Variants in CNTNAP5 observed in about 807,000 individuals in gnomAD.
CNTNAP5 encodes the protein contactin associated protein family member 5, also known as contactin-associated protein-like 5.
In CNTNAP5, 72 loss-of-function variants were observed where a neutral mutation model predicts 150.2. The observed-to-expected ratio is 0.48, with a 90% CI of 0.40 to 0.58. CNTNAP5 has a LOEUF of 0.58. Among genes scored for constraint, CNTNAP5 ranks in the 20% least tolerant of loss-of-function variants. The probability of loss-of-function intolerance (pLI) is 0.00; values close to 1 mark genes in which losing one functional copy is unlikely to be tolerated. For synonymous variants in CNTNAP5, 672 were observed against 619.8 expected (o/e 1.08, Z -1.25); for missense variants, 1,636 against 1,626.2 (o/e 1.01, Z -0.10).
chr2:124,047,821 T>G (rs1243059499), intron 1 of CNTNAP5, among the ~76,000 whole-genome samples: 1 of 152,180 alleles, frequency 6.6e-6, no homozygotes, highest in East Asian at 1.9e-4. Flanking sequence ...GTGTAGACAG[T>G]GTTCAATAGT....
chr2:124,763,071 T>C (rs1212242976), intron 14 of CNTNAP5, among the ~76,000 whole-genome samples: 1 of 152,014 alleles, frequency 6.6e-6, no homozygotes, highest in East Asian at 1.9e-4. Context: ...CTAAACTTTA[T>C]CCAAAGGTGA....
In CNTNAP5 at chr2:124,918,479, T is replaced by C. The variant is rs1287470736; in HGVS notation, c.*4191T>C. ...ATACTTGCTCCCTCTCTGCAGGAAG[T>C]TAATTCAGTTAGAAGAGTTGCACTG... On this transcript the variant is annotated 3_prime_UTR_variant, in exon 24 of 24. Transcript: ENST00000682447. Among the ~76,000 whole-genome samples, 1 of 152,098 alleles carries C rather than the reference T, an allele frequency of 6.6e-6. No individual in the cohort carries two copies. Among genetic ancestry groups the C allele is most frequent in the Non-Finnish European group, 1.5e-5 (1 of 67,994 alleles).
intron 4 of CNTNAP5, among the ~76,000 whole-genome samples, chr2:124,431,810 C>T (rs10198947): frequency 0.23 from 34,972 of 151,314 alleles, 4,176 homozygotes; most frequent in South Asian, 0.27. Context: ...CATTGTTATG[C>T]ACCATTTTAC....
intron 1 of CNTNAP5, among the ~76,000 whole-genome samples, chr2:124,181,268 T>C (rs1292426222): frequency 6.6e-6 from 1 of 152,126 alleles, no homozygotes; most frequent in Non-Finnish European, 1.5e-5. Flanking sequence ...ATTGTAGAAT[T>C]AATTAAAGTA....
chr2:124,319,229 C>G (rs542750633), intron 3 of CNTNAP5, among the ~76,000 whole-genome samples: 1 of 152,256 alleles, frequency 6.6e-6, no homozygotes, highest in East Asian at 1.9e-4. Flanking sequence ...AATTAACATG[C>G]TCATTAATAC....
intron 11 of CNTNAP5, among the ~76,000 whole-genome samples, chr2:124,590,992 C>G (rs1696666770): frequency 6.6e-6 from 1 of 152,126 alleles, no homozygotes; most frequent in South Asian, 2.1e-4. Flanking sequence ...AGACTATTTT[C>G]CTCAAAAATG....
intron 3 of CNTNAP5, among the ~76,000 whole-genome samples, chr2:124,288,770 C>T (rs1017023856): frequency 2.0e-5 from 3 of 152,064 alleles, no homozygotes; most frequent in East Asian, 1.9e-4. Flanking sequence ...ATACACTGCC[C>T]GTTTTTCCTG....
intron 3 of CNTNAP5, among the ~76,000 whole-genome samples, chr2:124,391,192 G>A (rs150435892): frequency 9.6e-4 from 146 of 152,170 alleles, no homozygotes; most frequent in African/African-American, 3.2e-3. Flanking sequence ...TATATTTCTC[G>A]TGTCCATTTT....
At chr2:124,221,844 C>G in intron 2 of CNTNAP5, 35 bp downstream of exon 2, 1 of 1,380,198 alleles carries the variant, frequency 7.2e-7, no homozygotes, top group Non-Finnish European at 1.0e-6. Flanking sequence ...ATGCCAAGCA[C>G]TAAATAATTA....
At chr2:124,150,137 G>A (rs113811153) in intron 1 of CNTNAP5, among the ~76,000 whole-genome samples, 1,927 of 152,206 alleles carry the variant, frequency 0.013, 8 homozygotes, top group Non-Finnish European at 0.02. Context: ...CTACAAGAGC[G>A]TGTGGATTTA....
At chr2:124,185,830 A>G (rs2104686944) in intron 1 of CNTNAP5, among the ~76,000 whole-genome samples, 1 of 152,074 alleles carries the variant, frequency 6.6e-6, no homozygotes, top group South Asian at 2.1e-4. Context: ...AGGGAGGGGG[A>G]TTGTGAGCAG....
intron 1 of CNTNAP5, among the ~76,000 whole-genome samples, chr2:124,040,116 T>G (rs2104630337): frequency 6.6e-6 from 1 of 152,310 alleles, no homozygotes; most frequent in Non-Finnish European, 1.5e-5. Context: ...TTGGGAGGTG[T>G]GCAGACATGC....
chr2:124,641,520 T>C (rs1382051354), intron 12 of CNTNAP5, among the ~76,000 whole-genome samples: 1 of 152,144 alleles, frequency 6.6e-6, no homozygotes, highest in Non-Finnish European at 1.5e-5. Flanking sequence ...ACAAGAGATA[T>C]CACAAGATTG....
intron 10 of CNTNAP5, among the ~76,000 whole-genome samples, chr2:124,553,068 G>A (rs1157997835): frequency 1.3e-5 from 2 of 152,002 alleles, no homozygotes; most frequent in African/African-American, 4.8e-5. Context: ...AGAATTCTAG[G>A]TCAAAGCAGA....
At chr2:124,068,052 G>A (rs189079046) in intron 1 of CNTNAP5, among the ~76,000 whole-genome samples, 1 of 152,020 alleles carries the variant, frequency 6.6e-6, no homozygotes, top group Non-Finnish European at 1.5e-5. Context: ...TCTACCAATT[G>A]TCCTCCCACC....
intron 1 of CNTNAP5, among the ~76,000 whole-genome samples, chr2:124,179,248 C>T (rs1425328540): frequency 1.3e-5 from 2 of 152,084 alleles, no homozygotes; most frequent in Non-Finnish European, 2.9e-5. Context: ...CAACTTCTGC[C>T]TCCCAGGTTC....
At chr2:124,124,635 AG>A (rs1430521462) in intron 1 of CNTNAP5, among the ~76,000 whole-genome samples, 1 of 152,178 alleles carries the variant, frequency 6.6e-6, no homozygotes, top group Non-Finnish European at 1.5e-5. Context: ...GTTGAAATGA[AG>A]GAAAAAATCT....
At chr2:124,344,755 CA>C (rs1689698708) in intron 3 of CNTNAP5, among the ~76,000 whole-genome samples, 2 of 152,064 alleles carry the variant, frequency 1.3e-5, no homozygotes, top group Admixed American at 1.3e-4. Context: ...GACCCTGCCT[CA>C]AAACAAACAA....
chr2:124,253,700 C>A (rs2104782939), intron 3 of CNTNAP5, among the ~76,000 whole-genome samples: 1 of 152,176 alleles, frequency 6.6e-6, no homozygotes, highest in Non-Finnish European at 1.5e-5. Flanking sequence ...AATAATTGGG[C>A]ACTACTTATC....
Sources: allele counts gnomAD v4.1 joint callset (sites outside exome capture counted in the v4.1 genomes callset), GRCh38; gene constraint gnomAD v4.1.1; transcripts MANE v1.5; gene names NCBI Gene and HGNC (gene_info 2026-07-23, HGNC 2026-07-21).